UBAP1L: variants seen among roughly 807,000 people sequenced by gnomAD.
UBAP1L encodes the protein ubiquitin-associated protein 1-like.
UBAP1L carries 32 observed loss-of-function variants against 32.1 expected under a neutral mutation model. The ratio of observed to expected loss-of-function variants is 1.00; its 90% CI spans 0.75 to 1.34. UBAP1L has a LOEUF of 1.34. UBAP1L is among the 40% of genes most tolerant of loss of function. UBAP1L has a pLI of 0.00. For missense variants in UBAP1L, 516 were observed against 540.5 expected (o/e 0.95, Z 0.45); for synonymous variants, 243 against 250.2 (o/e 0.97, Z 0.27).
At chr15:65,111,605 C>T (rs1334054185) in intron 1 of UBAP1L, among the ~76,000 whole-genome samples, 1 of 152,176 alleles carries the variant, frequency 6.6e-6, no homozygotes, top group East Asian at 1.9e-4. Flanking sequence ...CTGTCTCAGC[C>T]TCCTGAGTAG....
At chr15:65,109,736 A>T (rs1431658142) in intron 1 of UBAP1L, among the ~76,000 whole-genome samples, 7 of 152,310 alleles carry the variant, frequency 4.6e-5, no homozygotes, top group African/African-American at 1.7e-4. Flanking sequence ...ATTAGTCATC[A>T]GGGGAATGCA....
At chr15:65,112,923 C>G (rs2087378385) in intron 1 of UBAP1L, among the ~76,000 whole-genome samples, 1 of 152,218 alleles carries the variant, frequency 6.6e-6, no homozygotes, top group African/African-American at 2.4e-5. Flanking sequence ...TCTCTGGAAT[C>G]CAGCCATTTC....
chr15:65,103,161 T>C (rs1472930738), intron 2 of UBAP1L, among the ~76,000 whole-genome samples: 1 of 152,204 alleles, frequency 6.6e-6, no homozygotes, highest in Non-Finnish European at 1.5e-5. Context: ...CAAGGTTACT[T>C]TGGGGTCCTG....
chr15:65,111,699 G>A (rs1397070124), intron 1 of UBAP1L, among the ~76,000 whole-genome samples: 1 of 151,518 alleles, frequency 6.6e-6, no homozygotes, highest in Non-Finnish European at 1.5e-5. Flanking sequence ...TGGTCAGGCT[G>A]GTCTCGAACT....
At chr15:65,109,415 G>A (rs542615251) in intron 1 of UBAP1L, among the ~76,000 whole-genome samples, 20 of 147,214 alleles carry the variant, frequency 1.4e-4, no homozygotes, top group South Asian at 8.8e-4. Context: ...CCCAGGAGGC[G>A]GAGCTTGCAG....
intron 1 of UBAP1L, among the ~76,000 whole-genome samples, chr15:65,111,567 G>A (rs776097992): frequency 6.6e-6 from 1 of 152,064 alleles, no homozygotes; most frequent in Non-Finnish European, 1.5e-5. Flanking sequence ...TCACGGCAAC[G>A]TCTGCCTCCC....
Position 65,102,620 on chromosome 15 carries a change from G to A in UBAP1L, c.185C>T (p.Pro62Leu), listed in dbSNP as rs1452956134. 5.2e-6 allele frequency: 8 copies of A among 1,549,452 alleles called. No individual in the cohort carries two copies. In the Admixed American group the frequency reaches 5.9e-5, roughly 11 times the overall value. ...TGTCCCCGGGTCACCGCACTGGTACGGGCTGGGTCCCTGGCCGGCGGCCTC... is the reference window on the plus strand; with the variant it reads ...TGTCCCCGGGTCACCGCACTGGTACAGGCTGGGTCCCTGGCCGGCGGCCTC... ...WVEAAGQGPS[P>L]YQCGDPGTAS... is the part of the protein sequence containing the mutation. Residue 62 changes from proline to leucine, a missense_variant, in exon 3 of 6, where the codon CCG becomes CTG. Pro to Leu is a moderately conservative substitution (Grantham distance 98, BLOSUM62 -3). Transcript: ENST00000559089. This position sits in a 1 kb window ranked among gnomAD's most constrained non-coding sequence, Gnocchi z 5.0.
chr15:65,092,911 G>C lies in UBAP1L; in HGVS notation c.*186C>G, dbSNP rs951538675. The C allele has an allele frequency of 4.7e-6, 4 of 847,426 alleles. No homozygotes were observed. Among genetic ancestry groups the C allele is most frequent in the Non-Finnish European group, 6.9e-6 (4 of 577,890 alleles). 52.5% of individuals were successfully genotyped at this position (847,426 alleles called of 1,614,324 possible). A position where few individuals can be genotyped will look rare whatever the true frequency, so the allele number is the denominator to read the frequency against. On this transcript the variant is annotated 3_prime_UTR_variant, in exon 6 of 6. Coordinates refer to ENST00000559089, the MANE Select transcript of UBAP1L (RefSeq NM_001163692.2). Reference sequence around the variant, plus strand: ...GCTCTCCCATCTGCCCCTCTGCAGAGGCAACTATTTCAACTCTTTCAGCAG... The same window carrying C: ...GCTCTCCCATCTGCCCCTCTGCAGACGCAACTATTTCAACTCTTTCAGCAG...
Position 65,102,413 on chromosome 15 carries a change from C to T in UBAP1L, c.392G>A (p.Gly131Asp). 1.4e-6 allele frequency: 2 copies of T among 1,427,078 alleles called. No individual in the cohort carries two copies. The highest frequency in any genetic ancestry group is 9.1e-7 in the Non-Finnish European group (1 of 1,095,562). The allele number at this position is 1,427,078 out of a possible 1,614,324, so 88.4% of individuals were successfully genotyped here. Residue 131 changes from glycine to aspartate, a missense_variant, in exon 3 of 6, where the codon GGC (glycine) becomes GAC (aspartate). By Grantham distance (94) the Gly-to-Asp change is moderately conservative (BLOSUM62 -1). Transcript: ENST00000559089. This position sits in a 1 kb window ranked among gnomAD's most constrained non-coding sequence, Gnocchi z 5.0. Reference sequence around the variant, plus strand: ...GCCGGGGCCGGGGCTCGCCGGGGAGCCCGGTTGGAGGCTGCTGGGGGCCGG... The same window carrying T: ...GCCGGGGCCGGGGCTCGCCGGGGAGTCCGGTTGGAGGCTGCTGGGGGCCGG... ...EEPAPSSLQPGSPASPGPGRR... is the reference protein window; with the variant it reads ...EEPAPSSLQPDSPASPGPGRR...
At position 65,104,801 on chromosome 15, in the gene UBAP1L, A is replaced by G. The variant is rs530500006; in HGVS notation, c.120+1295T>C. The G allele has an allele frequency of 2.1e-4, 50 of 242,626 alleles. 1 individual carries two copies. The highest frequency in any genetic ancestry group is 1.7e-3 in the South Asian group (50 of 28,608). 15.0% of individuals were successfully genotyped at this position (242,626 alleles called of 1,614,324 possible). A position where few individuals can be genotyped will look rare whatever the true frequency, so the allele number is the denominator to read the frequency against. ...GGCGGGTGGATCACGAGGTCATGAG[A>G]TCAAGACCATCCTGGCCAACATAGT... is the stretch of plus-strand genomic sequence containing the variant. On this transcript the variant is annotated intron_variant, in intron 2 of 5. Coordinates refer to ENST00000559089, the MANE Select transcript of UBAP1L (RefSeq NM_001163692.2).
At position 65,102,107 on chromosome 15, in the gene UBAP1L, G is replaced by A. The variant is rs966258179; in HGVS notation, c.698C>T (p.Ala233Val). The A allele has an allele frequency of 3.3e-6, 4 of 1,200,794 alleles. No individual in the cohort carries two copies. The highest frequency in any genetic ancestry group is 3.3e-4 in the Middle Eastern group (1 of 3,048). The allele number at this position is 1,200,794 out of a possible 1,614,324, so 74.4% of individuals were successfully genotyped here. A position where few individuals can be genotyped will look rare whatever the true frequency, so the allele number is the denominator to read the frequency against. ...TGGAGGGGCGGGCAGAATCCTTACC[G>A]CGACCGTAGGCTTGTGGCTCCGCAG... ...PPLRSHKPTV[A>V]SLSPYTCLPP... Residue 233 changes from alanine (A) to valine (V), a missense_variant and splice_region_variant, in exon 3 of 6, where the codon GCG becomes GTG. Coordinates refer to ENST00000559089, the MANE Select transcript of UBAP1L (RefSeq NM_001163692.2). This position sits in a 1 kb window ranked among gnomAD's most constrained non-coding sequence, Gnocchi z 5.0.
At chr15:65,104,897 C>T (rs1444114137) in intron 2 of UBAP1L, 3 of 404,908 alleles carry the variant, frequency 7.4e-6, no homozygotes, top group Non-Finnish European at 9.7e-6. Context: ...ATCCCAGCTA[C>T]TCGGGAGACC....
chr15:65,108,597 T>C (rs1566969007), intron 1 of UBAP1L, among the ~76,000 whole-genome samples: 2 of 151,644 alleles, frequency 1.3e-5, no homozygotes, highest in East Asian at 3.9e-4. Context: ...AATACAAAAC[T>C]AGCCAGGTAT....
chr15:65,107,775 G>C (rs1255005002), intron 1 of UBAP1L, among the ~76,000 whole-genome samples: 10 of 146,452 alleles, frequency 6.8e-5, no homozygotes, highest in African/African-American at 2.5e-4. Flanking sequence ...AATTTAAAAA[G>C]TTACCATTTA....
Position 65,097,215 on chromosome 15 carries a change from T to G in UBAP1L, c.909+2290A>C, listed in dbSNP as rs544837172. ...CCACTGGGAGGCCAGGGCCCCAGGC[T>G]GGCTCTGACTCATCTTCAGACCCCC... On this transcript the variant is annotated intron_variant, in intron 4 of 5. Transcript: ENST00000559089. 156 of 152,448 alleles carry G rather than the reference T, an allele frequency of 1.0e-3. 1 individual carries two copies. The highest frequency in any genetic ancestry group is 3.0e-3 in the African/African-American group (126 of 41,586). The allele number at this position is 152,448 out of a possible 1,614,324, so 9.4% of individuals were successfully genotyped here.
At chr15:65,112,934 A>T (rs1235459720) in intron 1 of UBAP1L, among the ~76,000 whole-genome samples, 1 of 152,216 alleles carries the variant, frequency 6.6e-6, no homozygotes, top group East Asian at 1.9e-4. Flanking sequence ...CAGCCATTTC[A>T]GGCTAACTCC....
chr15:65,103,273 C>T (rs1370007378), intron 2 of UBAP1L, among the ~76,000 whole-genome samples: 2 of 152,070 alleles, frequency 1.3e-5, no homozygotes, highest in African/African-American at 4.8e-5. Context: ...ATTGAGTTTG[C>T]TAGAAGTTAG....
At chr15:65,110,426 C>G (rs951015353) in intron 1 of UBAP1L, among the ~76,000 whole-genome samples, 20 of 151,044 alleles carry the variant, frequency 1.3e-4, no homozygotes, top group Non-Finnish European at 2.4e-4. Context: ...ACCTCTAATC[C>G]CAGCACTCTG....
At chr15:65,093,889 CA>C (rs199944157) in intron 5 of UBAP1L, among the ~76,000 whole-genome samples, 2 of 151,814 alleles carry the variant, frequency 1.3e-5, no homozygotes, top group African/African-American at 4.8e-5. Flanking sequence ...ACTGAAAATA[CA>C]AAAAAAATTA....
Sources: allele counts gnomAD v4.1 joint callset (sites outside exome capture counted in the v4.1 genomes callset), GRCh38; gene constraint gnomAD v4.1.1; non-coding constraint Gnocchi (gnomAD v3.1); transcripts MANE v1.5; gene names NCBI Gene and HGNC (gene_info 2026-07-23, HGNC 2026-07-21).